The following NRXN1 variants were observed in gnomAD, a reference collection of about 807,000 sequenced individuals.
NRXN1 encodes neurexin 1, also known as neurexin-1.
Under a neutral mutation model 150.9 loss-of-function variants are expected in NRXN1, and 39 were observed. The ratio of observed to expected loss-of-function variants is 0.26; its 90% CI spans 0.20 to 0.34. The LOEUF is 0.34. Among genes scored for constraint, NRXN1 ranks in the 10% least tolerant of loss-of-function variants. The probability of loss-of-function intolerance (pLI) is 1.00; values close to 1 mark genes in which losing one functional copy is unlikely to be tolerated. For missense variants in NRXN1, 1,815 were observed against 1,949.9 expected (o/e 0.93, Z 1.30); for synonymous variants, 924 against 757.0 (o/e 1.22, Z -3.62).
chr2:50,477,385 G>C (rs185497610), intron 15 of NRXN1, among the ~76,000 whole-genome samples: 4 of 152,194 alleles, frequency 2.6e-5, no homozygotes, highest in Admixed American at 2.6e-4. Context: ...TGTGGAATTT[G>C]AGTAGGAACA....
chr2:50,510,947 T>C (rs2092430329), intron 12 of NRXN1, among the ~76,000 whole-genome samples: 1 of 152,110 alleles, frequency 6.6e-6, no homozygotes, highest in Non-Finnish European at 1.5e-5. Context: ...AGAATTTCAA[T>C]CATCATCTAC....
intron 8 of NRXN1, among the ~76,000 whole-genome samples, chr2:50,593,814 T>G (rs1257076435): frequency 1.3e-5 from 2 of 152,190 alleles, no homozygotes; most frequent in African/African-American, 2.4e-5. Context: ...AACATCTTAT[T>G]GTATGACATA....
chr2:50,563,641 G>A (rs1669438285), intron 8 of NRXN1, among the ~76,000 whole-genome samples: 1 of 152,178 alleles, frequency 6.6e-6, no homozygotes, highest in Admixed American at 6.5e-5. Flanking sequence ...ATTGTTCAGA[G>A]GGAGTCAACA....
At chr2:50,796,162 A>C (rs1232434844) in intron 5 of NRXN1, among the ~76,000 whole-genome samples, 1 of 152,166 alleles carries the variant, frequency 6.6e-6, no homozygotes, top group Non-Finnish European at 1.5e-5. Flanking sequence ...TGACTATAAC[A>C]GGGATTCTCA....
At chr2:50,553,201 C>A (rs1053893413) in intron 8 of NRXN1, among the ~76,000 whole-genome samples, 176 bp from the exon 9 acceptor site, 5 of 152,192 alleles carry the variant, frequency 3.3e-5, no homozygotes, top group African/African-American at 1.2e-4. Context: ...ATTCATAGAA[C>A]AATAACCATA....
At chr2:50,653,966 G>A (rs1369214038) in intron 5 of NRXN1, among the ~76,000 whole-genome samples, 1 of 132,734 alleles carries the variant, frequency 7.5e-6, no homozygotes, top group Admixed American at 8.0e-5. Flanking sequence ...TTCTCTTTTG[G>A]CCTTTTCATC....
In NRXN1 at chr2:50,216,827, G is replaced by A. The variant is rs192539338; in HGVS notation, c.3546+19962C>T. On this transcript the variant is annotated intron_variant, in intron 18 of 22. Coordinates refer to ENST00000401669, the MANE Select transcript of NRXN1 (RefSeq NM_001330078.2). ...CAGATTTGGGTGTGATTCCAAACAT[G>A]CACCTGCCATCCTCAAAGCAGAGAA... Among the ~76,000 whole-genome samples the A allele has an allele frequency of 2.6e-5, 4 of 152,116 alleles. No individual in the cohort carries two copies. In the East Asian group the frequency reaches 7.8e-4, roughly 30 times the overall value.
rs758294706 is a variant in NRXN1 at position 49,921,905 on chromosome 2, AGACTATTTCTATACAAGT to A, written c.*21_*38del. 1 of 1,586,600 alleles carries A rather than the reference AGACTATTTCTATACAAGT, an allele frequency of 6.3e-7. No homozygotes were observed. Among genetic ancestry groups the A allele is most frequent in the Non-Finnish European group, 8.6e-7 (1 of 1,156,490 alleles). On this transcript the variant is annotated 3_prime_UTR_variant, in exon 23 of 23. Transcript: ENST00000401669. ...TTATATTATGTCTCAGATAAAATGAAGACTATTTCTATACAAGTGTCCATTTAAGATCTTGGGATCAGA... is the reference window on the plus strand; with the variant it reads ...TTATATTATGTCTCAGATAAAATGAAGTCCATTTAAGATCTTGGGATCAGA...
intron 10 of NRXN1, among the ~76,000 whole-genome samples, chr2:50,535,322 A>G (rs866618602): frequency 6.6e-6 from 1 of 152,256 alleles, no homozygotes; most frequent in South Asian, 2.1e-4. Context: ...TTTGTCTTCT[A>G]TATCTCCTTC....
chr2:50,124,939 T>A (rs1341797317), intron 18 of NRXN1, among the ~76,000 whole-genome samples: 2 of 152,140 alleles, frequency 1.3e-5, no homozygotes, highest in African/African-American at 4.8e-5. Context: ...TTATAATTCA[T>A]CATACATTTA....
intron 22 of NRXN1, among the ~76,000 whole-genome samples, chr2:49,942,608 T>TA (rs1287124017): frequency 6.7e-6 from 1 of 150,244 alleles, no homozygotes; most frequent in African/African-American, 2.4e-5. Flanking sequence ...TTATTATTAT[T>TA]ATTATTTTAT....
chr2:50,753,292 T>C (rs1310276978), intron 5 of NRXN1, among the ~76,000 whole-genome samples: 1 of 151,982 alleles, frequency 6.6e-6, no homozygotes, highest in Admixed American at 6.6e-5. Flanking sequence ...ACAGTTCTCA[T>C]AATTTTCTAC....
chr2:49,985,945 T>A (rs1195443400), intron 21 of NRXN1, among the ~76,000 whole-genome samples: 2 of 152,350 alleles, frequency 1.3e-5, no homozygotes, highest in Non-Finnish European at 2.9e-5. Flanking sequence ...CACTTCATGG[T>A]ATGACCCAAG....
chr2:50,106,251 A>G, intron 18 of NRXN1, among the ~76,000 whole-genome samples: 1 of 151,898 alleles, frequency 6.6e-6, no homozygotes, highest in Non-Finnish European at 1.5e-5. Flanking sequence ...TTGGTCTAGC[A>G]TTTAATGATA....
intron 5 of NRXN1, among the ~76,000 whole-genome samples, chr2:50,838,895 A>C (rs1017517426): frequency 2.6e-5 from 4 of 152,084 alleles, no homozygotes; most frequent in Admixed American, 2.6e-4. Context: ...AGCCCTAGGA[A>C]ACTAACACAG....
At chr2:51,019,490 TA>T (rs1396810532) in intron 2 of NRXN1, among the ~76,000 whole-genome samples, 1 of 152,132 alleles carries the variant, frequency 6.6e-6, no homozygotes, top group Non-Finnish European at 1.5e-5. Context: ...GAGAGGCATC[TA>T]GTCCATTTTC....
At chr2:50,491,888 C>A (rs997904964) in intron 15 of NRXN1, among the ~76,000 whole-genome samples, 2 of 152,244 alleles carry the variant, frequency 1.3e-5, no homozygotes, top group South Asian at 2.1e-4. Context: ...TTCTTCCTCC[C>A]TATTTTTTCC....
At chr2:50,355,893 A>AAC (rs2078774454) in intron 17 of NRXN1, among the ~76,000 whole-genome samples, 1 of 152,180 alleles carries the variant, frequency 6.6e-6, no homozygotes, top group Non-Finnish European at 1.5e-5. Flanking sequence ...AATCCTCTTC[A>AAC]ACTTACCCTT....
chr2:50,241,441 A>T (rs1574685288), intron 17 of NRXN1, among the ~76,000 whole-genome samples: 1 of 151,814 alleles, frequency 6.6e-6, no homozygotes, highest in Non-Finnish European at 1.5e-5. Flanking sequence ...TATGGCAAGC[A>T]CTACCACATC....
Sources: allele counts gnomAD v4.1 joint callset (sites outside exome capture counted in the v4.1 genomes callset), GRCh38; gene constraint gnomAD v4.1.1; transcripts MANE v1.5; gene names NCBI Gene and HGNC (gene_info 2026-07-23, HGNC 2026-07-21).